The following IQGAP2 variants were observed in gnomAD, a reference collection of about 807,000 sequenced individuals.
IQGAP2 encodes IQ motif containing GTPase activating protein 2.
A neutral mutation model predicts 201.3 loss-of-function variants in IQGAP2; 173 were observed. The ratio of observed to expected loss-of-function variants is 0.86; its 90% confidence interval spans 0.76 to 0.98. IQGAP2 has a LOEUF of 0.98. IQGAP2 is among the 50% of genes least tolerant of loss of function. The pLI, the probability that IQGAP2 is intolerant of heterozygous loss-of-function variation, is 0.00. For missense variants in IQGAP2, 1,687 were observed against 1,864.8 expected (o/e 0.90, Z 1.76); for synonymous variants, 675 against 673.9 (o/e 1.00, Z -0.03).
chr5:76,697,309 CT>C (rs1204133816), intron 32 of IQGAP2, among the ~76,000 whole-genome samples: 1 of 152,102 alleles, frequency 6.6e-6, no homozygotes, highest in Non-Finnish European at 1.5e-5. Flanking sequence ...TAAATGTAAA[CT>C]TTTTTAGTTT....
chr5:76,499,586 T>C (rs534731023), intron 2 of IQGAP2, among the ~76,000 whole-genome samples: 1 of 152,182 alleles, frequency 6.6e-6, no homozygotes, highest in Non-Finnish European at 1.5e-5. Flanking sequence ...TTTTAAAGCA[T>C]GGCATCACAC....
At chr5:76,685,197 G>A (rs918289465) in intron 30 of IQGAP2, among the ~76,000 whole-genome samples, 1 of 152,122 alleles carries the variant, frequency 6.6e-6, no homozygotes, top group Non-Finnish European at 1.5e-5. Context: ...AAATTTCAGG[G>A]AGACAATTCA....
At chr5:76,678,184 A>G (rs1744992494) in intron 28 of IQGAP2, among the ~76,000 whole-genome samples, 1 of 152,140 alleles carries the variant, frequency 6.6e-6, no homozygotes, top group Admixed American at 6.5e-5. Context: ...ACAAGAAACT[A>G]CCACCCAATA....
chr5:76,473,094 C>G (rs1468405645), intron 2 of IQGAP2, among the ~76,000 whole-genome samples: 1 of 152,226 alleles, frequency 6.6e-6, no homozygotes, highest in African/African-American at 2.4e-5. Flanking sequence ...GTATTACAAC[C>G]TAGGTCTTTC....
intron 2 of IQGAP2, among the ~76,000 whole-genome samples, chr5:76,463,067 G>A (rs947497046): frequency 1.0e-4 from 15 of 145,600 alleles, no homozygotes; most frequent in African/African-American, 3.6e-4. Context: ...AGGCTGCAGT[G>A]AGCTGAGATC....
chr5:76,451,619 C>T (rs1251951047), intron 1 of IQGAP2, among the ~76,000 whole-genome samples: 1 of 152,204 alleles, frequency 6.6e-6, no homozygotes, highest in African/African-American at 2.4e-5. Flanking sequence ...TTTGAATGAC[C>T]ATGATCCTTT....
chr5:76,413,156 C>CTTTTTT (rs567410789), intron 1 of IQGAP2, among the ~76,000 whole-genome samples: 82 of 83,694 alleles, frequency 9.8e-4, no homozygotes, highest in Non-Finnish European at 1.2e-3. Flanking sequence ...TTTCTTTTCT[C>CTTTTTT]TTTTTTTTTT....
Position 76,658,646 on chromosome 5 carries a change from G to A in IQGAP2, c.2508G>A (p.Val836=), listed in dbSNP as rs373890004. The change falls in exon 21 of 36, where the codon GTG becomes GTA. Residue 836 remains valine, a synonymous_variant. Coordinates refer to ENST00000274364, the MANE Select transcript of IQGAP2 (RefSeq NM_006633.5). ...NLMDIKIGLL[V]KNRITLEDVI... is the part of the protein sequence containing the mutation. ...TGGACATCAAGATTGGACTGCTGGT[G>A]AAGAACAGGATCACACTAGAGGTCA... The A allele has an allele frequency of 3.1e-6, 5 of 1,613,794 alleles. No homozygotes were observed. The highest frequency in any genetic ancestry group is 4.2e-6 in the Non-Finnish European group (5 of 1,179,878).
chr5:76,464,786 G>A (rs1754680850), intron 2 of IQGAP2, among the ~76,000 whole-genome samples: 1 of 152,018 alleles, frequency 6.6e-6, no homozygotes, highest in South Asian at 2.1e-4. Flanking sequence ...GGAATACTAT[G>A]AACAATTACA....
intron 2 of IQGAP2, among the ~76,000 whole-genome samples, chr5:76,548,588 G>C (rs1008477274): frequency 2.6e-5 from 4 of 152,196 alleles, no homozygotes; most frequent in African/African-American, 9.6e-5. Flanking sequence ...TTAAATCACA[G>C]CTCAGCCGCT....
intron 2 of IQGAP2, among the ~76,000 whole-genome samples, chr5:76,496,533 G>A (rs1756899085): frequency 6.6e-6 from 1 of 152,170 alleles, no homozygotes; most frequent in African/African-American, 2.4e-5. Flanking sequence ...CTGTTGGGTA[G>A]AGGCAAATCA....
chr5:76,618,301 C>G (rs1749216671), intron 13 of IQGAP2: 1 of 1,614,016 alleles, frequency 6.2e-7, no homozygotes, highest in African/African-American at 1.3e-5. Flanking sequence ...TCTGCAATGG[C>G]CAGGTTGGTG....
Position 76,662,840 on chromosome 5 carries a change from G to C in IQGAP2, c.2530-2186G>C, listed in dbSNP as rs1025681925. Among the ~76,000 whole-genome samples the C allele has an allele frequency of 2.6e-5, 4 of 152,128 alleles. No homozygotes were observed. In the East Asian group the frequency reaches 7.7e-4, roughly 29 times the overall value. On this transcript the variant is annotated intron_variant, in intron 21 of 35. Coordinates refer to ENST00000274364, the MANE Select transcript of IQGAP2 (RefSeq NM_006633.5). ...GGGGAAATGTTGCTTTTTTAAAAAT[G>C]TTATCGGAATGTAAATCAACTCCCC...
At chr5:76,561,019 G>A (rs1452719947) in intron 2 of IQGAP2, among the ~76,000 whole-genome samples, 2 of 152,158 alleles carry the variant, frequency 1.3e-5, no homozygotes, top group Admixed American at 6.5e-5. Context: ...TGTGAATGTG[G>A]ACTCTGCCTC....
At chr5:76,580,297 G>A (rs1745754443) in intron 5 of IQGAP2, among the ~76,000 whole-genome samples, 1 of 144,774 alleles carries the variant, frequency 6.9e-6, no homozygotes, top group Non-Finnish European at 1.5e-5. Flanking sequence ...AAAAAAAAAA[G>A]CATGGTGGCA....
chr5:76,574,724 A>G (rs1745353770), intron 4 of IQGAP2, among the ~76,000 whole-genome samples: 1 of 152,236 alleles, frequency 6.6e-6, no homozygotes, highest in Non-Finnish European at 1.5e-5. Flanking sequence ...AAAGGAAAAG[A>G]GTGTGAAGGT....
chr5:76,430,532 G>A (rs1046913837), intron 1 of IQGAP2, among the ~76,000 whole-genome samples: 1 of 152,200 alleles, frequency 6.6e-6, no homozygotes, highest in Non-Finnish European at 1.5e-5. Context: ...AAGAGACCAC[G>A]TGGAAGCTGC....
rs141128819 is a variant in IQGAP2, at chr5:76,547,973, T to C, written c.147-14423T>C. 8.6e-3 allele frequency among the ~76,000 whole-genome samples: 1,314 copies of C among 152,326 alleles called. 31 individuals are homozygous for C. Among genetic ancestry groups the C allele is most frequent in the African/African-American group, 0.03 (1,264 of 41,572 alleles). Reference sequence around the variant, plus strand: ...CCACGCTGCTCTGTGGAGAACAGTGTGATAAATCCTTGGTAGCATTACGCT... The same window carrying C: ...CCACGCTGCTCTGTGGAGAACAGTGCGATAAATCCTTGGTAGCATTACGCT... On this transcript the variant is annotated intron_variant, in intron 2 of 35. Coordinates refer to ENST00000274364, the MANE Select transcript of IQGAP2 (RefSeq NM_006633.5).
At chr5:76,650,162 G>T (rs1175469114) in intron 17 of IQGAP2, among the ~76,000 whole-genome samples, 1 of 152,222 alleles carries the variant, frequency 6.6e-6, no homozygotes, top group Non-Finnish European at 1.5e-5. Context: ...GGGGATTTCA[G>T]TTCAACATGA....
Sources: gnomAD v4.1 joint callset for allele counts (sites outside exome capture counted in the v4.1 genomes callset) on GRCh38, gnomAD v4.1.1 for gene constraint, MANE v1.5 for transcripts, NCBI Gene and HGNC (gene_info 2026-07-23, HGNC 2026-07-21) for gene names.